Variants in RPS6KA2 observed in about 807,000 individuals in gnomAD.
RPS6KA2 encodes the protein ribosomal protein S6 kinase A2, also known as ribosomal protein S6 kinase alpha-2.
RPS6KA2 carries 42 observed loss-of-function variants against 91.8 expected under a neutral mutation model. That is an observed-to-expected ratio of 0.46 (90% CI 0.36 to 0.59). The LOEUF (loss-of-function observed/expected upper bound fraction) is 0.59, where lower values mean the gene tolerates loss of function less well. Ranked by LOEUF, RPS6KA2 falls within the 20% of genes least tolerant of loss-of-function variation. The probability of loss-of-function intolerance (pLI) is 0.00; values close to 1 mark genes in which losing one functional copy is unlikely to be tolerated. For synonymous variants in RPS6KA2, 414 were observed against 393.6 expected (o/e 1.05, Z -0.61); for missense variants, 798 against 978.5 (o/e 0.82, Z 2.46).
chr6:166,824,817 G>GTGTGTCTA (rs56040834), intron 2 of RPS6KA2, among the ~76,000 whole-genome samples: 92,038 of 132,254 alleles, frequency 0.7, 30,811 homozygotes, highest in East Asian at 0.93. Flanking sequence ...ATGTGTGTCT[G>GTGTGTCTA]TGTGTGTCTG....
Position 166,432,503 on chromosome 6 carries a change from C to A in RPS6KA2, c.1333-13G>T, listed in dbSNP as rs1420797889. On this transcript the variant is annotated splice_polypyrimidine_tract_variant and intron_variant, in intron 14 of 20. Coordinates refer to ENST00000265678, the MANE Select transcript of RPS6KA2 (RefSeq NM_021135.6). The stretch of plus-strand genomic sequence containing the variant: ...TCTTATCAATGATCTGGAACAAACA[C>A]AGCACATGGCAGTGAGGGGTCTACT... The A allele has an allele frequency of 6.5e-7, 1 of 1,546,070 alleles. No homozygotes were observed. Among genetic ancestry groups the A allele is most frequent in the Non-Finnish European group, 8.9e-7 (1 of 1,118,716 alleles).
intron 1 of RPS6KA2, among the ~76,000 whole-genome samples, chr6:166,579,380 T>C (rs1477476206): frequency 6.6e-6 from 1 of 152,098 alleles, no homozygotes; most frequent in Non-Finnish European, 1.5e-5. Flanking sequence ...GGAGTGGTGC[T>C]GGCCTGTCGC....
chr6:166,714,341 T>G (rs1376473033), intron 2 of RPS6KA2, among the ~76,000 whole-genome samples: 3 of 152,208 alleles, frequency 2.0e-5, no homozygotes, highest in Admixed American at 2.0e-4. Context: ...TTTCGGGTCC[T>G]GGGAAGAGAC....
rs1470221236 is a variant in RPS6KA2, at chr6:166,412,718, C to G, written c.*44G>C. The G allele has an allele frequency of 6.5e-7, 1 of 1,549,362 alleles. No homozygotes were observed. The highest frequency in any genetic ancestry group is 8.7e-7 in the Non-Finnish European group (1 of 1,147,998). The stretch of plus-strand genomic sequence containing the variant: ...GCTCCGAGGCCGGGGTCTGTGAGCC[C>G]ACGAGGATGCTGGCAGGGGACGCTG... On this transcript the variant is annotated 3_prime_UTR_variant, in exon 21 of 21. Coordinates refer to ENST00000265678, the MANE Select transcript of RPS6KA2 (RefSeq NM_021135.6). This position sits in a 1 kb window ranked among gnomAD's most constrained non-coding sequence, Gnocchi z 4.3.
intron 7 of RPS6KA2, among the ~76,000 whole-genome samples, chr6:166,499,257 G>A (rs1262183920): frequency 6.6e-6 from 1 of 152,220 alleles, no homozygotes; most frequent in East Asian, 1.9e-4. Flanking sequence ...GAACAAGAGT[G>A]CATTGGCTCA....
intron 10 of RPS6KA2, among the ~76,000 whole-genome samples, chr6:166,482,612 C>T (rs1241270393): frequency 1.3e-5 from 2 of 152,150 alleles, no homozygotes; most frequent in Non-Finnish European, 2.9e-5. Flanking sequence ...ATTCTGGCTG[C>T]GATCACAGAA....
At chr6:166,839,176 C>G (rs778336368) in intron 2 of RPS6KA2, among the ~76,000 whole-genome samples, 2 of 152,188 alleles carry the variant, frequency 1.3e-5, no homozygotes, top group Non-Finnish European at 2.9e-5. Flanking sequence ...CACAGCCACC[C>G]GCTGGGGGAC....
chr6:166,748,514 ATGG>A (rs1791098345), intron 2 of RPS6KA2, among the ~76,000 whole-genome samples: 8 of 147,532 alleles, frequency 5.4e-5, no homozygotes, highest in Non-Finnish European at 1.2e-4. Context: ...ATCAGCCTCC[ATGG>A]GGGCCCCACC....
intron 1 of RPS6KA2, among the ~76,000 whole-genome samples, chr6:166,546,018 G>A (rs577492506): frequency 8.5e-4 from 129 of 152,306 alleles, no homozygotes; most frequent in Non-Finnish European, 1.4e-3. Flanking sequence ...CCTGGGAAAC[G>A]TCAGTGTGAA....
chr6:166,806,022 A>G (rs1220443391), intron 2 of RPS6KA2, among the ~76,000 whole-genome samples: 1 of 152,224 alleles, frequency 6.6e-6, no homozygotes, highest in Non-Finnish European at 1.5e-5. Context: ...GCAGGCAGAA[A>G]AAAGAATCCA....
intron 5 of RPS6KA2, among the ~76,000 whole-genome samples, chr6:166,506,997 A>G (rs78599761): frequency 0.025 from 3,827 of 152,164 alleles, 139 homozygotes; most frequent in Admixed American, 0.096. Flanking sequence ...GTGAAGTTGC[A>G]TCCTGGAGGG....
chr6:166,608,027 AAAG>A (rs1454306359), intron 1 of RPS6KA2, among the ~76,000 whole-genome samples: 2 of 152,036 alleles, frequency 1.3e-5, no homozygotes, highest in Non-Finnish European at 2.9e-5. Flanking sequence ...AAAAAAAAAA[AAAG>A]AGAGAGAGAG....
At chr6:166,421,248 A>G (rs1231943421) in intron 17 of RPS6KA2, among the ~76,000 whole-genome samples, 2 of 152,160 alleles carry the variant, frequency 1.3e-5, no homozygotes, top group Admixed American at 6.5e-5. Context: ...AAGTTGGTAA[A>G]AGTGCTTTGT....
intron 3 of RPS6KA2, among the ~76,000 whole-genome samples, chr6:166,519,793 C>T (rs1039561674): frequency 1.3e-5 from 2 of 152,026 alleles, no homozygotes; most frequent in South Asian, 2.1e-4. Flanking sequence ...GCAGGCATTG[C>T]TTTGTGTTTC....
At chr6:166,695,633 G>A in intron 2 of RPS6KA2, among the ~76,000 whole-genome samples, 1 of 152,180 alleles carries the variant, frequency 6.6e-6, no homozygotes, top group East Asian at 1.9e-4. Flanking sequence ...TCTAGCCTGA[G>A]CTCTGCCTCC....
rs1788178916 is a variant in RPS6KA2 at position 166,662,129 on chromosome 6, C to G, written c.124-123345G>C. On this transcript the variant is annotated intron_variant, in intron 2 of 21. Coordinates refer to the RPS6KA2 transcript ENST00000503859. This position sits in a 1 kb window ranked among gnomAD's most constrained non-coding sequence, Gnocchi z 4.3. The stretch of plus-strand genomic sequence containing the variant: ...ATTATGAATATTTCTTAATTTTTAC[C>G]TACTTAATATTTTAAAATCAGAAAC... Among the ~76,000 whole-genome samples, 1 of 152,024 alleles carries G rather than the reference C, an allele frequency of 6.6e-6. No homozygotes were observed. The highest frequency in any genetic ancestry group is 2.4e-5 in the African/African-American group (1 of 41,372).
At position 166,412,640 on chromosome 6, in the gene RPS6KA2, AGGG is replaced by A; in HGVS notation, c.*119_*121del. ...TGAAAAAGAAAACACGGACACGGCG[AGGG>A]CGGGCGCCGCCTCCCTGCTGGACTT... On this transcript the variant is annotated 3_prime_UTR_variant, in exon 21 of 21. Transcript: ENST00000265678. The surrounding 1 kb of genome is among the most constrained non-coding windows in gnomAD (Gnocchi z 4.3). 1 of 997,250 alleles carries A rather than the reference AGGG, an allele frequency of 1.0e-6. No homozygotes were observed. Among genetic ancestry groups the A allele is most frequent in the South Asian group, 1.8e-5 (1 of 56,930 alleles). 61.8% of individuals were successfully genotyped at this position (997,250 alleles called of 1,614,324 possible).
chr6:166,471,938 C>T (rs1021296836), intron 10 of RPS6KA2, among the ~76,000 whole-genome samples: 6 of 152,244 alleles, frequency 3.9e-5, no homozygotes, highest in Non-Finnish European at 7.3e-5. Flanking sequence ...CATGAGCCTT[C>T]GCAGGCGCAC....
intron 1 of RPS6KA2, among the ~76,000 whole-genome samples, chr6:166,608,076 A>T (rs1225722203): frequency 2.6e-5 from 4 of 152,066 alleles, no homozygotes; most frequent in African/African-American, 9.7e-5. Context: ...TGCATCTTGA[A>T]GAATGGAGGG....
Sources: allele counts gnomAD v4.1 joint callset (sites outside exome capture counted in the v4.1 genomes callset), GRCh38; gene constraint gnomAD v4.1.1; non-coding constraint Gnocchi (gnomAD v3.1); transcripts MANE v1.5; gene names NCBI Gene and HGNC (gene_info 2026-07-23, HGNC 2026-07-21).